Variants in DUSP14 observed in about 807,000 individuals in gnomAD.
The protein encoded by DUSP14 is dual specificity protein phosphatase 14.
DUSP14 carries 5 observed loss-of-function variants against 13.2 expected under a neutral mutation model. The ratio of observed to expected loss-of-function variants is 0.38; its 90% CI spans 0.20 to 0.80. DUSP14 has a LOEUF of 0.80. DUSP14 is among the 30% of genes least tolerant of loss of function. The pLI is 0.44. For missense variants in DUSP14, 185 were observed against 264.0 expected, an observed-to-expected ratio of 0.70 and a Z score of 2.07; for synonymous variants, 91 against 103.4, an observed-to-expected ratio of 0.88 and a Z score of 0.73.
intron 1 of DUSP14, among the ~76,000 whole-genome samples, chr17:37,503,304 G>T (rs900427887): frequency 3.3e-5 from 5 of 152,138 alleles, no homozygotes; most frequent in Non-Finnish European, 2.9e-5. Context: ...GCACACCTGT[G>T]GTTCCAGCAA....
chr17:37,498,338 T>TTTC (rs1555696448), intron 1 of DUSP14, among the ~76,000 whole-genome samples: 47 of 94,234 alleles, frequency 5.0e-4, no homozygotes, highest in African/African-American at 2.1e-3. Flanking sequence ...TTTTTTTTTT[T>TTTC]TTTTTTGAGA....
chr17:37,489,897 G>T lies in DUSP14; in HGVS notation c.-242G>T, dbSNP rs972247358. 6.8e-6 allele frequency: 1 copy of T among 147,692 alleles called. No individual in the cohort carries two copies. The highest frequency in any genetic ancestry group is 2.5e-5 in the African/African-American group (1 of 40,752). The allele number at this position is 147,692 out of a possible 1,614,324, so 9.1% of individuals were successfully genotyped here. A position where few individuals can be genotyped will look rare whatever the true frequency, so the allele number is the denominator to read the frequency against. On this transcript the variant is annotated 5_prime_UTR_variant, in exon 1 of 3. Coordinates refer to ENST00000617516, the MANE Select transcript of DUSP14 (RefSeq NM_007026.4). ...CGCGCGCGGCGCCCAGCCCGCAGAA[G>T]CCGGTGGCCGCGCAGGAGGACGGAG...
chr17:37,505,146 T>G (rs1199167344), intron 1 of DUSP14, among the ~76,000 whole-genome samples: 1 of 152,216 alleles, frequency 6.6e-6, no homozygotes, highest in Non-Finnish European at 1.5e-5. Flanking sequence ...TTCACCATGT[T>G]GCCCAGGCTG....
At chr17:37,500,859 A>C (rs2054100097) in intron 1 of DUSP14, among the ~76,000 whole-genome samples, 1 of 152,200 alleles carries the variant, frequency 6.6e-6, no homozygotes, top group Non-Finnish European at 1.5e-5. Flanking sequence ...ATTACTCCCT[A>C]GACTGTAGAC....
rs1355062072 is a variant in DUSP14 at position 37,513,157 on chromosome 17, C to G, written c.*288C>G. 4.8e-6 allele frequency: 2 copies of G among 421,048 alleles called. No homozygotes were observed. Among genetic ancestry groups the G allele is most frequent in the Non-Finnish European group, 8.8e-6 (2 of 227,236 alleles). 26.1% of individuals were successfully genotyped at this position (421,048 alleles called of 1,614,324 possible). ...AACAGTTTAATAAACTGGTTCTGCT[C>G]TCTTCTGAATCTCATGCCTTTGGCA... On this transcript the variant is annotated 3_prime_UTR_variant, in exon 3 of 3. Transcript: ENST00000617516.
At chr17:37,495,638 T>A (rs1265070038) in intron 1 of DUSP14, among the ~76,000 whole-genome samples, 1 of 149,558 alleles carries the variant, frequency 6.7e-6, no homozygotes, top group Non-Finnish European at 1.5e-5. Context: ...TAGGTGAACT[T>A]GCTTTAAGTT....
chr17:37,497,168 A>G (rs2054071336), intron 1 of DUSP14, among the ~76,000 whole-genome samples: 1 of 151,366 alleles, frequency 6.6e-6, no homozygotes, highest in Non-Finnish European at 1.5e-5. Context: ...TTTTTTTTAA[A>G]GACAGAGTCT....
At chr17:37,511,937 A>AGTGTTTTTTTTTTTTTTTTT (rs1329764853) in intron 2 of DUSP14, among the ~76,000 whole-genome samples, 2 of 16,442 alleles carry the variant, frequency 1.2e-4, no homozygotes, top group African/African-American at 2.1e-4. Context: ...CCCCCACCCC[A>AGTGTTTTTTTTTTTTTTTTT]CTTTTTTTTT....
chr17:37,495,894 G>A (rs1310715105), intron 1 of DUSP14, among the ~76,000 whole-genome samples: 5 of 152,052 alleles, frequency 3.3e-5, no homozygotes, highest in Admixed American at 1.3e-4. Flanking sequence ...TCATGACCTC[G>A]TGATCCACCT....
Position 37,512,129 on chromosome 17 carries a change from C to A in DUSP14, c.-92-52C>A. On this transcript the variant is annotated intron_variant, in intron 2 of 2. Coordinates refer to ENST00000617516, the MANE Select transcript of DUSP14 (RefSeq NM_007026.4). The surrounding 1 kb of genome is among the most constrained non-coding windows in gnomAD (Gnocchi z 4.8). ...CCCATTTGACAAATGTGACAGAAGG[C>A]TGTGATGAATCAGTAGCATTTAAAG... is the stretch of plus-strand genomic sequence containing the variant. 1.5e-6 allele frequency: 1 copy of A among 646,026 alleles called. No homozygotes were observed. Among genetic ancestry groups the A allele is most frequent in the Non-Finnish European group, 2.7e-6 (1 of 377,160 alleles). The allele number at this position is 646,026 out of a possible 1,614,324, so 40.0% of individuals were successfully genotyped here. A position where few individuals can be genotyped will look rare whatever the true frequency, so the allele number is the denominator to read the frequency against.
intron 1 of DUSP14, among the ~76,000 whole-genome samples, chr17:37,504,645 A>G (rs551486933): frequency 6.6e-6 from 1 of 152,094 alleles, no homozygotes. Context: ...TGCTACAATC[A>G]TGGCTCACTG....
At position 37,512,834 on chromosome 17, in the gene DUSP14, G is replaced by A. The variant is rs776869767; in HGVS notation, c.562G>A (p.Glu188Lys). The A allele has an allele frequency of 5.0e-6, 8 of 1,609,560 alleles. No homozygotes were observed. The Admixed American group carries it at 1.2e-4, about 23-fold the overall frequency. ...CATAGTTCCCGACGTCTATGAGAAG[G>A]AGTCCCGACACCTGATGCCTTACTG... is the stretch of plus-strand genomic sequence containing the variant. ...YGIVPDVYEK[E>K]SRHLMPYWGI Residue 188 changes from glutamate to lysine, a missense_variant, in exon 3 of 3, where the codon GAG (glutamate) becomes AAG (lysine). Glu to Lys is a moderately conservative substitution (Grantham distance 56). Coordinates refer to ENST00000617516, the MANE Select transcript of DUSP14 (RefSeq NM_007026.4). This position sits in a 1 kb window ranked among gnomAD's most constrained non-coding sequence, Gnocchi z 4.8.
intron 1 of DUSP14, among the ~76,000 whole-genome samples, chr17:37,508,691 G>A (rs916042896): frequency 2.6e-5 from 4 of 151,164 alleles, no homozygotes; most frequent in East Asian, 1.9e-4. Context: ...CTGAGATTGC[G>A]CCACTGCACT....
At chr17:37,501,327 G>A (rs1327748089) in intron 1 of DUSP14, among the ~76,000 whole-genome samples, 3 of 152,158 alleles carry the variant, frequency 2.0e-5, no homozygotes, top group Non-Finnish European at 4.4e-5. Flanking sequence ...CAGATCACCT[G>A]GGATCTTGTT....
In DUSP14 at chr17:37,512,542, T is replaced by G; in HGVS notation, c.270T>G (p.Phe90Leu). ...CGCATGCCCCCATTGGACTGTACTT[T>G]GACACCGTGGCTGACAAGATCCACA... The part of the protein sequence containing the change: ...DMPHAPIGLY[F>L]DTVADKIHSV... The change falls in exon 3 of 3, where the codon TTT becomes TTG. Residue 90 changes from phenylalanine (F) to leucine (L), a missense_variant. Phe to Leu is a conservative substitution (Grantham distance 22, BLOSUM62 0). Coordinates refer to ENST00000617516, the MANE Select transcript of DUSP14 (RefSeq NM_007026.4). The surrounding 1 kb of genome is among the most constrained non-coding windows in gnomAD (Gnocchi z 4.8). The G allele has an allele frequency of 6.2e-7, 1 of 1,614,204 alleles. No homozygotes were observed. Among genetic ancestry groups the G allele is most frequent in the African/African-American group, 1.3e-5 (1 of 75,052 alleles).
chr17:37,489,382 G>C, upstream of DUSP14, among the ~76,000 whole-genome samples: 1 of 152,270 alleles, frequency 6.6e-6, no homozygotes, highest in Middle Eastern at 3.4e-3. Context: ...AGGAACTGCC[G>C]CGCTACTGAT....
chr17:37,496,296 T>C (rs1040089874), intron 1 of DUSP14, among the ~76,000 whole-genome samples: 26 of 152,216 alleles, frequency 1.7e-4, no homozygotes, highest in African/African-American at 6.0e-4. Context: ...TTTTTACTTT[T>C]AGAAATTGAA....
chr17:37,511,801 T>TG (rs1333562399), intron 2 of DUSP14, among the ~76,000 whole-genome samples: 13 of 150,472 alleles, frequency 8.6e-5, no homozygotes, highest in Non-Finnish European at 1.8e-4. Flanking sequence ...TTTGTAGAGA[T>TG]GGGGTCTCAC....
intron 1 of DUSP14, among the ~76,000 whole-genome samples, chr17:37,506,706 T>C (rs545408241): frequency 6.6e-6 from 1 of 152,322 alleles, no homozygotes; most frequent in South Asian, 2.1e-4. Context: ...TCTACTGATC[T>C]GATCTGAGAA....
Sources: gnomAD v4.1 joint callset for allele counts (sites outside exome capture counted in the v4.1 genomes callset) on GRCh38, gnomAD v4.1.1 for gene constraint, Gnocchi (gnomAD v3.1) non-coding constraint, MANE v1.5 for transcripts, NCBI Gene and HGNC (gene_info 2026-07-23, HGNC 2026-07-21) for gene names.